The following KCND3 variants were observed in gnomAD, a reference collection of about 807,000 sequenced individuals.
The protein encoded by KCND3 is A-type voltage-gated potassium channel KCND3.
In KCND3, 9 loss-of-function variants were observed where a neutral mutation model predicts 51.1. That is an observed-to-expected ratio of 0.18 (90% CI 0.11 to 0.31). The LOEUF is 0.31. Among genes scored for constraint, KCND3 ranks in the 10% least tolerant of loss-of-function variants. The pLI, the probability that KCND3 is intolerant of heterozygous loss-of-function variation, is 1.00. For missense variants in KCND3, 526 were observed against 903.8 expected (o/e 0.58, Z 5.36); for synonymous variants, 349 against 368.0 (o/e 0.95, Z 0.59).
At chr1:111,822,322 T>A (rs1451858482) in intron 2 of KCND3, among the ~76,000 whole-genome samples, 1 of 152,116 alleles carries the variant, frequency 6.6e-6, no homozygotes, top group Non-Finnish European at 1.5e-5. Flanking sequence ...ATCGCCACCA[T>A]CCATCTCCAG....
At chr1:111,978,341 A>C (rs1178588331) in intron 2 of KCND3, among the ~76,000 whole-genome samples, 5 of 152,230 alleles carry the variant, frequency 3.3e-5, no homozygotes, top group Non-Finnish European at 7.3e-5. Context: ...GAACTCAGGG[A>C]AGGACCAGGG....
Position 111,776,368 on chromosome 1 carries a change from C to T in KCND3, c.1767-90G>A. On this transcript the variant is annotated intron_variant, in intron 7 of 7. Transcript: ENST00000302127. Reference sequence around the variant, plus strand: ...CCCCTACATTTCTTGCTCGTGGTAACTAGGAGGATATTTTGTTGTGCCTCT... The same window carrying T: ...CCCCTACATTTCTTGCTCGTGGTAATTAGGAGGATATTTTGTTGTGCCTCT... 5 of 1,192,790 alleles carry T rather than the reference C, an allele frequency of 4.2e-6. 1 individual carries two copies. The highest frequency in any genetic ancestry group is 3.7e-6 in the Non-Finnish European group (3 of 818,956). 73.9% of individuals were successfully genotyped at this position (1,192,790 alleles called of 1,614,324 possible). A position where few individuals can be genotyped will look rare whatever the true frequency, so the allele number is the denominator to read the frequency against.
chr1:111,979,435 C>A (rs1441564870), intron 2 of KCND3, among the ~76,000 whole-genome samples: 3 of 152,140 alleles, frequency 2.0e-5, no homozygotes. Context: ...CAGTGCCTGG[C>A]ATATAGTACT....
Position 111,772,016 on chromosome 1 carries a change from T to G in KCND3, c.*4061A>C, listed in dbSNP as rs966150850. 5 of 152,148 alleles carry G rather than the reference T, an allele frequency of 3.3e-5. No individual in the cohort carries two copies. Among genetic ancestry groups the G allele is most frequent in the African/African-American group, 1.2e-4 (5 of 41,438 alleles). 9.4% of individuals were successfully genotyped at this position (152,148 alleles called of 1,614,324 possible). A position where few individuals can be genotyped will look rare whatever the true frequency, so the allele number is the denominator to read the frequency against. ...AAAATATAAGCAAGCCTCAGAGCAG[T>G]GCAATATAATGTGGAGGAAAAATCC... On this transcript the variant is annotated 3_prime_UTR_variant, in exon 8 of 8. Transcript: ENST00000302127.
chr1:111,931,363 CA>C (rs1671961220), intron 2 of KCND3, among the ~76,000 whole-genome samples: 1 of 152,134 alleles, frequency 6.6e-6, no homozygotes, highest in African/African-American at 2.4e-5. Flanking sequence ...CCAAAATAAA[CA>C]AATGAAACCA....
chr1:111,917,389 C>G (rs896927898), intron 2 of KCND3, among the ~76,000 whole-genome samples: 1 of 152,202 alleles, frequency 6.6e-6, no homozygotes, highest in Non-Finnish European at 1.5e-5. Flanking sequence ...GACTGCACTG[C>G]AAGTATGTGG....
At chr1:111,909,136 C>A (rs557032672) in intron 2 of KCND3, among the ~76,000 whole-genome samples, 106 of 152,018 alleles carry the variant, frequency 7.0e-4, no homozygotes, top group African/African-American at 2.4e-3. Flanking sequence ...TCCCTGGCCC[C>A]ACACACACTC....
chr1:111,833,977 T>G (rs184196939), intron 2 of KCND3, among the ~76,000 whole-genome samples: 1 of 151,960 alleles, frequency 6.6e-6, no homozygotes, highest in Non-Finnish European at 1.5e-5. Flanking sequence ...AGGCCAGGAG[T>G]AGATGGAAGA....
chr1:111,816,980 C>T (rs1034491629), intron 2 of KCND3, among the ~76,000 whole-genome samples: 2 of 152,194 alleles, frequency 1.3e-5, no homozygotes, highest in African/African-American at 4.8e-5. Flanking sequence ...TGTGCACATA[C>T]ATGCACACAT....
At chr1:111,929,901 C>T (rs978194846) in intron 2 of KCND3, among the ~76,000 whole-genome samples, 1 of 152,342 alleles carries the variant, frequency 6.6e-6, no homozygotes, top group African/African-American at 2.4e-5. Context: ...GACAGAGAAA[C>T]GCTCTGGAAA....
At chr1:111,920,379 T>G (rs1319818298) in intron 2 of KCND3, among the ~76,000 whole-genome samples, 1 of 152,172 alleles carries the variant, frequency 6.6e-6, no homozygotes, top group East Asian at 1.9e-4. Flanking sequence ...AGAAACACAG[T>G]CAACAGATTC....
At chr1:111,787,149 T>C (rs1469951112) in intron 2 of KCND3, 43 bp from the exon 3 acceptor site, 1 of 1,600,414 alleles carries the variant, frequency 6.2e-7, no homozygotes, top group Admixed American at 1.7e-5. Context: ...GAGAGGGCCA[T>C]TTGGGAAACA....
intron 2 of KCND3, among the ~76,000 whole-genome samples, chr1:111,917,677 T>G (rs542383144): frequency 3.2e-4 from 48 of 152,256 alleles, no homozygotes; most frequent in Non-Finnish European, 5.6e-4. Context: ...ATATAATCCT[T>G]TAATGACCGT....
At chr1:111,812,116 G>A (rs1462400544) in intron 2 of KCND3, among the ~76,000 whole-genome samples, 1 of 152,148 alleles carries the variant, frequency 6.6e-6, no homozygotes, top group Non-Finnish European at 1.5e-5. Context: ...TGTCGGGCAC[G>A]GTGCCTGGTA....
intron 2 of KCND3, among the ~76,000 whole-genome samples, chr1:111,821,928 C>T (rs1032472369): frequency 6.6e-6 from 1 of 152,074 alleles, no homozygotes; most frequent in African/African-American, 2.4e-5. Flanking sequence ...TACCCTGTCC[C>T]CCAGAACTGT....
chr1:111,902,317 C>T (rs1276765380), intron 2 of KCND3, among the ~76,000 whole-genome samples: 2 of 152,322 alleles, frequency 1.3e-5, no homozygotes, highest in Non-Finnish European at 1.5e-5. Flanking sequence ...CTTAACAACA[C>T]ACCTACATCC....
chr1:111,943,173 A>T (rs1055428612), intron 2 of KCND3, among the ~76,000 whole-genome samples: 4 of 152,088 alleles, frequency 2.6e-5, no homozygotes, highest in African/African-American at 9.7e-5. Flanking sequence ...ATTCTAATGG[A>T]GAAGGAAGTA....
rs61088602 is a variant in KCND3, at chr1:111,940,073, GT to G, written c.1106+41547del. ...TATATCCTTCGCCTACTTTTTGATGGTTTTTTTTTTTTTTTTTTTTTTTGTA... is the reference window on the plus strand; with the variant it reads ...TATATCCTTCGCCTACTTTTTGATGGTTTTTTTTTTTTTTTTTTTTTTGTA... On this transcript the variant is annotated intron_variant, in intron 2 of 7. Coordinates refer to ENST00000302127, the MANE Select transcript of KCND3 (RefSeq NM_001378969.1). 5.7e-3 allele frequency among the ~76,000 whole-genome samples: 486 copies of G among 85,438 alleles called. 2 individuals carry two copies. Among genetic ancestry groups the G allele is most frequent in the East Asian group, 8.6e-3 (31 of 3,612 alleles). 56.1% of individuals were successfully genotyped at this position (85,438 alleles called of 152,430 possible).
At chr1:111,957,536 C>A (rs571500544) in intron 2 of KCND3, among the ~76,000 whole-genome samples, 1 of 152,036 alleles carries the variant, frequency 6.6e-6, no homozygotes, top group East Asian at 1.9e-4. Context: ...TTTTCTGTTC[C>A]AAGTTCCACA....
Sources: gnomAD v4.1 joint callset for allele counts (sites outside exome capture counted in the v4.1 genomes callset) on GRCh38, gnomAD v4.1.1 for gene constraint, MANE v1.5 for transcripts, NCBI Gene and HGNC (gene_info 2026-07-23, HGNC 2026-07-21) for gene names.